LRRFIP2: variants seen among roughly 807,000 people sequenced by gnomAD.
LRRFIP2 encodes LRR binding FLII interacting protein 2, also known as leucine-rich repeat flightless-interacting protein 2.
Under a neutral mutation model 125.9 loss-of-function variants are expected in LRRFIP2, and 109 were observed. The ratio of observed to expected loss-of-function variants is 0.87; its 90% CI spans 0.74 to 1.01. The LOEUF (loss-of-function observed/expected upper bound fraction) is 1.01. Ranked by LOEUF, LRRFIP2 falls within the 50% of genes least tolerant of loss-of-function variation. The pLI, the probability that LRRFIP2 is intolerant of heterozygous loss-of-function variation, is 0.00. For missense variants in LRRFIP2, 850 were observed against 862.3 expected (o/e 0.99, Z 0.18); for synonymous variants, 291 against 293.1 (o/e 0.99, Z 0.07).
rs2094481180 is a variant in LRRFIP2, at chr3:37,109,677, A to C, written c.540T>G (p.Pro180=). Residue 180 remains proline (P), a synonymous_variant, in exon 10 of 28, where the codon CCT becomes CCG. Coordinates refer to ENST00000336686, the MANE Select transcript of LRRFIP2 (RefSeq NM_006309.4). ...CCCTGTCACTCTTATATGTTGCCAG[A>C]GGGTCACTGTACAGGGAAGAAGACT... The part of the protein sequence containing the change: ...TRQSSSLYSD[P]LATYKSDRAS... The C allele has an allele frequency of 6.2e-7, 1 of 1,613,972 alleles. No homozygotes were observed. Among genetic ancestry groups the C allele is most frequent in the African/African-American group, 1.3e-5 (1 of 74,922 alleles).
At chr3:37,160,356 C>T (rs764661230) in intron 1 of LRRFIP2, among the ~76,000 whole-genome samples, 42 of 152,170 alleles carry the variant, frequency 2.8e-4, no homozygotes, top group Admixed American at 5.2e-4. Context: ...AACCCACTAA[C>T]TCAGAAGAAT....
In LRRFIP2 at chr3:37,094,911, A is replaced by G. The variant is rs1248269856; in HGVS notation, c.919-3T>C. On this transcript the variant is annotated splice_region_variant and splice_polypyrimidine_tract_variant and intron_variant, in intron 16 of 27. Coordinates refer to ENST00000336686, the MANE Select transcript of LRRFIP2 (RefSeq NM_006309.4). Reference sequence around the variant, plus strand: ...GAGGCAGAATTTCGAGATGAAGGCTAGAAAGAGAAATATGACCCTTCTAAG... The same window carrying G: ...GAGGCAGAATTTCGAGATGAAGGCTGGAAAGAGAAATATGACCCTTCTAAG... The G allele has an allele frequency of 3.2e-6, 5 of 1,553,064 alleles. No homozygotes were observed. The African/African-American group carries it at 6.8e-5, about 21-fold the overall frequency.
At chr3:37,115,166 A>T in intron 6 of LRRFIP2, 71 bp from the exon 7 acceptor site, 1 of 1,033,308 alleles carries the variant, frequency 9.7e-7, no homozygotes, top group Non-Finnish European at 1.5e-6. Flanking sequence ...AAGAAGTAAT[A>T]TTTGAGGTTA....
chr3:37,143,092 T>C (rs528442923), intron 2 of LRRFIP2, among the ~76,000 whole-genome samples: 1 of 152,236 alleles, frequency 6.6e-6, no homozygotes, highest in African/African-American at 2.4e-5. Flanking sequence ...CCTTCCACCA[T>C]GAGTAAAAGC....
intron 9 of LRRFIP2, among the ~76,000 whole-genome samples, chr3:37,110,336 G>A (rs761165721): frequency 2.6e-5 from 4 of 152,200 alleles, no homozygotes; most frequent in South Asian, 4.1e-4. Context: ...GTCATCTGAG[G>A]ACATACTTTT....
chr3:37,116,219 G>A (rs909778534), intron 6 of LRRFIP2, among the ~76,000 whole-genome samples: 1 of 152,018 alleles, frequency 6.6e-6, no homozygotes, highest in African/African-American at 2.4e-5. Context: ...CGAACTCCTG[G>A]GTTCAAGTGA....
At chr3:37,120,867 T>A (rs569353180) in intron 6 of LRRFIP2, among the ~76,000 whole-genome samples, 5 of 152,252 alleles carry the variant, frequency 3.3e-5, no homozygotes, top group African/African-American at 1.2e-4. Flanking sequence ...AAAGTGCTGC[T>A]TTAAGGTGTA....
intron 19 of LRRFIP2, among the ~76,000 whole-genome samples, chr3:37,081,657 G>A (rs1455578746): frequency 1.3e-5 from 2 of 152,094 alleles, no homozygotes. Context: ...GCTGAGGTGG[G>A]TGGATTGCTT....
intron 1 of LRRFIP2, among the ~76,000 whole-genome samples, chr3:37,166,607 C>T (rs1177843257): frequency 6.6e-6 from 1 of 152,124 alleles, no homozygotes; most frequent in African/African-American, 2.4e-5. Flanking sequence ...TACGTAATCC[C>T]AGCACTTTGG....
At chr3:37,137,214 G>A (rs1218229444) in intron 2 of LRRFIP2, among the ~76,000 whole-genome samples, 4 of 152,132 alleles carry the variant, frequency 2.6e-5, no homozygotes, top group Non-Finnish European at 5.9e-5. Context: ...CTGGACTCAA[G>A]CAATCTGCAT....
chr3:37,154,898 T>C (rs758338227), intron 1 of LRRFIP2, among the ~76,000 whole-genome samples: 11 of 152,254 alleles, frequency 7.2e-5, no homozygotes, highest in Admixed American at 6.5e-4. Flanking sequence ...TATATCTAAG[T>C]ATTGCATCAT....
rs1470378912 is a variant in LRRFIP2 at position 37,135,179 on chromosome 3, G to A, written c.91-6030C>T. The A allele has an allele frequency of 2.3e-5, 21 of 918,196 alleles. No homozygotes were observed. In the African/African-American group the frequency reaches 2.3e-4, roughly 10 times the overall value. The allele number at this position is 918,196 out of a possible 1,614,324, so 56.9% of individuals were successfully genotyped here. On this transcript the variant is annotated intron_variant, in intron 2 of 27. Coordinates refer to ENST00000336686, the MANE Select transcript of LRRFIP2 (RefSeq NM_006309.4). Reference sequence around the variant, plus strand: ...AAATTACTGTTTAAAAAAAAAAAAAGGCTGGGCACGTTGGCTCACACCTGT... The same window carrying A: ...AAATTACTGTTTAAAAAAAAAAAAAAGCTGGGCACGTTGGCTCACACCTGT...
intron 24 of LRRFIP2, among the ~76,000 whole-genome samples, chr3:37,062,215 C>G (rs953551873): frequency 2.6e-5 from 4 of 152,208 alleles, no homozygotes; most frequent in African/African-American, 9.6e-5. Flanking sequence ...AACCTTCTAA[C>G]ATATCATATA....
At chr3:37,065,446 T>C (rs2089924756) in intron 23 of LRRFIP2, 2 of 404,186 alleles carry the variant, frequency 4.9e-6, no homozygotes, top group Non-Finnish European at 9.9e-6. Flanking sequence ...GTTCCAAGGA[T>C]GAGAAACTTA....
intron 2 of LRRFIP2, chr3:37,135,165 T>TAAAA: frequency 1.2e-6 from 1 of 830,524 alleles, no homozygotes; most frequent in Non-Finnish European, 1.8e-6. Flanking sequence ...AATTACTGTT[T>TAAAA]AAAAAAAAAA....
intron 7 of LRRFIP2, among the ~76,000 whole-genome samples, chr3:37,114,166 T>C (rs761912474): frequency 6.6e-6 from 1 of 152,118 alleles, no homozygotes; most frequent in Non-Finnish European, 1.5e-5. Flanking sequence ...TTTTAAGAGA[T>C]GTCTATGTAA....
In LRRFIP2 at chr3:37,134,975, A is replaced by AT; in HGVS notation, c.91-5827dup. On this transcript the variant is annotated intron_variant, in intron 2 of 27. Coordinates refer to ENST00000336686, the MANE Select transcript of LRRFIP2 (RefSeq NM_006309.4). ...AACTATTTCTAAAGTTCTTTTATCC[A>AT]TTTGTTCACTGCTATGTGATCCAAA... is the stretch of plus-strand genomic sequence containing the variant. The AT allele has an allele frequency of 2.0e-6, 3 of 1,513,634 alleles. No individual in the cohort carries two copies. The African/African-American group carries it at 4.1e-5, about 21-fold the overall frequency. The allele number at this position is 1,513,634 out of a possible 1,614,324, so 93.8% of individuals were successfully genotyped here.
chr3:37,056,291 AGCAAAAATCAGT>A (rs1439455375), intron 25 of LRRFIP2, among the ~76,000 whole-genome samples: 1 of 152,206 alleles, frequency 6.6e-6, no homozygotes, highest in African/African-American at 2.4e-5. Context: ...ATCCAAGTTT[AGCAAAAATCAGT>A]CTCTGGCATG....
intron 15 of LRRFIP2, among the ~76,000 whole-genome samples, chr3:37,100,357 T>G (rs1218678706): frequency 6.6e-6 from 1 of 151,878 alleles, no homozygotes; most frequent in Non-Finnish European, 1.5e-5. Flanking sequence ...TGCGTATATA[T>G]ATACACATAC....
Sources: allele counts gnomAD v4.1 joint callset (sites outside exome capture counted in the v4.1 genomes callset), GRCh38; gene constraint gnomAD v4.1.1; transcripts MANE v1.5; gene names NCBI Gene and HGNC (gene_info 2026-07-23, HGNC 2026-07-21).